The following MSRA variants were observed in gnomAD, a reference collection of about 807,000 sequenced individuals.
MSRA encodes the protein methionine sulfoxide reductase A.
In MSRA, 54 loss-of-function variants were observed where a neutral mutation model predicts 31.3. That is an observed-to-expected ratio of 1.73 (90% CI 1.39 to 2.17). The LOEUF (loss-of-function observed/expected upper bound fraction) is 2.17, where lower values mean the gene tolerates loss of function less well. MSRA is among the 30% of genes most tolerant of loss of function. The probability of loss-of-function intolerance (pLI) is 0.00; values close to 1 mark genes in which losing one functional copy is unlikely to be tolerated. For synonymous variants in MSRA, 169 were observed against 116.5 expected (o/e 1.45, Z -2.90); for missense variants, 507 against 300.9 (o/e 1.69, Z -5.07).
intron 2 of MSRA, 39 bp downstream of exon 2, chr8:10,207,940 C>T (rs746569778): frequency 1.3e-6 from 2 of 1,542,582 alleles, no homozygotes; most frequent in South Asian, 2.4e-5. Context: ...AAATTGTGTG[C>T]AAAGACTAGT....
At chr8:10,111,192 A>G (rs1032031017) in intron 1 of MSRA, among the ~76,000 whole-genome samples, 5 of 152,202 alleles carry the variant, frequency 3.3e-5, no homozygotes, top group Non-Finnish European at 7.3e-5. Flanking sequence ...CTTGGTACCC[A>G]TTACATGGCT....
At chr8:10,216,401 A>C (rs1232511380) in intron 2 of MSRA, among the ~76,000 whole-genome samples, 2 of 151,590 alleles carry the variant, frequency 1.3e-5, no homozygotes, top group Non-Finnish European at 2.9e-5. Flanking sequence ...CTTCATTTTT[A>C]AAAAATTGTG....
intron 1 of MSRA, among the ~76,000 whole-genome samples, chr8:10,081,920 A>G (rs1008759872): frequency 2.4e-4 from 37 of 152,140 alleles, no homozygotes; most frequent in African/African-American, 8.9e-4. Context: ...TCAAAACCTC[A>G]TCCATGGCTT....
intron 1 of MSRA, among the ~76,000 whole-genome samples, chr8:10,133,433 A>G (rs1248757450): frequency 6.6e-6 from 1 of 152,172 alleles, no homozygotes; most frequent in African/African-American, 2.4e-5. Context: ...CTTCAGCGAC[A>G]AGGACCAGGC....
intron 1 of MSRA, among the ~76,000 whole-genome samples, chr8:10,167,417 C>G (rs1805239234): frequency 6.6e-6 from 1 of 152,110 alleles, no homozygotes; most frequent in Non-Finnish European, 1.5e-5. Context: ...TTAAGTATGA[C>G]AAGGCTTCAG....
intron 2 of MSRA, among the ~76,000 whole-genome samples, chr8:10,233,929 A>G (rs952319977): frequency 2.0e-5 from 3 of 152,212 alleles, no homozygotes; most frequent in African/African-American, 4.8e-5. Context: ...TAATAACTGT[A>G]GAAAGAAAAG....
At chr8:10,229,871 C>T (rs1811317614) in intron 2 of MSRA, among the ~76,000 whole-genome samples, 1 of 152,116 alleles carries the variant, frequency 6.6e-6, no homozygotes, top group Non-Finnish European at 1.5e-5. Flanking sequence ...AGCTCTTTTT[C>T]TTTCTGTGTT....
rs1563472344 is a variant in MSRA, at chr8:10,428,406, G to C, written c.*94G>C. 5 of 1,332,118 alleles carry C rather than the reference G, an allele frequency of 3.8e-6. No individual in the cohort carries two copies. The South Asian group carries it at 5.2e-5, about 14-fold the overall frequency. 82.5% of individuals were successfully genotyped at this position (1,332,118 alleles called of 1,614,324 possible). A position where few individuals can be genotyped will look rare whatever the true frequency, so the allele number is the denominator to read the frequency against. ...GTGATTCACAATCGTGGCATTTAAAGTGCACAAAGTACAAAGGAATTTATA... is the reference window on the plus strand; with the variant it reads ...GTGATTCACAATCGTGGCATTTAAACTGCACAAAGTACAAAGGAATTTATA... On this transcript the variant is annotated 3_prime_UTR_variant, in exon 6 of 6. Transcript: ENST00000317173.
At chr8:10,233,367 C>T (rs1325178857) in intron 2 of MSRA, among the ~76,000 whole-genome samples, 3 of 152,080 alleles carry the variant, frequency 2.0e-5, no homozygotes, top group African/African-American at 7.2e-5. Flanking sequence ...AGAAAGGAGG[C>T]AACAATATGA....
chr8:10,130,510 A>G (rs368687236), intron 1 of MSRA, among the ~76,000 whole-genome samples: 49 of 152,184 alleles, frequency 3.2e-4, no homozygotes, highest in African/African-American at 1.2e-3. Context: ...CTGCTTGGAT[A>G]TTTTCCCCTC....
At chr8:10,386,681 G>C (rs530814873) in intron 5 of MSRA, among the ~76,000 whole-genome samples, 7 of 152,186 alleles carry the variant, frequency 4.6e-5, no homozygotes, top group African/African-American at 1.4e-4. Context: ...CAAGCTCCCA[G>C]GTGATGCTGC....
At chr8:10,267,622 G>A (rs1798814911) in intron 3 of MSRA, among the ~76,000 whole-genome samples, 1 of 152,096 alleles carries the variant, frequency 6.6e-6, no homozygotes, top group Non-Finnish European at 1.5e-5. Flanking sequence ...AAGTGTGCTT[G>A]CTTTACAAAA....
intron 5 of MSRA, among the ~76,000 whole-genome samples, chr8:10,325,505 C>G (rs112742225): frequency 1.3e-5 from 2 of 150,476 alleles, no homozygotes; most frequent in African/African-American, 4.8e-5. Flanking sequence ...AGATGTGTAT[C>G]TCTCTATGTC....
chr8:10,250,867 C>T (rs1585275721), intron 3 of MSRA: 1 of 172,680 alleles, frequency 5.8e-6, no homozygotes, highest in Non-Finnish European at 1.2e-5. Context: ...ACATTGTGCA[C>T]ATATACCCTA....
intron 5 of MSRA, among the ~76,000 whole-genome samples, chr8:10,351,290 T>C (rs906970762): frequency 2.9e-5 from 4 of 139,754 alleles, no homozygotes; most frequent in African/African-American, 1.1e-4. Flanking sequence ...AGTCTCGCTC[T>C]GTTGCCGGGC....
At chr8:10,401,017 C>G (rs1191627532) in intron 5 of MSRA, among the ~76,000 whole-genome samples, 1 of 150,590 alleles carries the variant, frequency 6.6e-6, no homozygotes, top group East Asian at 2.0e-4. Flanking sequence ...GATATGACAC[C>G]AAAAGCACAG....
intron 3 of MSRA, among the ~76,000 whole-genome samples, chr8:10,261,907 C>T (rs1297179676): frequency 6.6e-6 from 1 of 152,156 alleles, no homozygotes; most frequent in Non-Finnish European, 1.5e-5. Flanking sequence ...AGCTTTTTAC[C>T]TTTGATAGTT....
chr8:10,331,297 G>A (rs1420072315), intron 5 of MSRA, among the ~76,000 whole-genome samples: 1 of 152,218 alleles, frequency 6.6e-6, no homozygotes, highest in East Asian at 1.9e-4. Context: ...GCTTGGAGGA[G>A]AACAACTGGC....
intron 4 of MSRA, among the ~76,000 whole-genome samples, chr8:10,308,261 C>T (rs1199140641): frequency 6.6e-6 from 1 of 152,230 alleles, no homozygotes; most frequent in Non-Finnish European, 1.5e-5. Context: ...TGGTGATGAA[C>T]TCCCAGTTAC....
Sources: gnomAD v4.1 joint callset for allele counts (sites outside exome capture counted in the v4.1 genomes callset) on GRCh38, gnomAD v4.1.1 for gene constraint, MANE v1.5 for transcripts, NCBI Gene and HGNC (gene_info 2026-07-23, HGNC 2026-07-21) for gene names.